Variants in INSR observed in about 807,000 individuals in gnomAD.
INSR encodes the protein IR.
Under a neutral mutation model 142.6 loss-of-function variants are expected in INSR, and 67 were observed. That is an observed-to-expected ratio of 0.47 (90% CI 0.39 to 0.58). INSR has a LOEUF of 0.58. Among genes scored for constraint, INSR ranks in the 20% least tolerant of loss-of-function variants. INSR has a pLI of 0.00. For synonymous variants in INSR, 756 were observed against 743.1 expected (o/e 1.02, Z -0.28); for missense variants, 1,248 against 1,833.2 (o/e 0.68, Z 5.83).
chr19:7,167,817 T>C (rs985516216), intron 7 of INSR, 151 bp downstream of exon 7: 2 of 924,740 alleles, frequency 2.2e-6, no homozygotes, highest in African/African-American at 3.3e-5. Flanking sequence ...CATCGACTGG[T>C]GAGATTGTAA....
chr19:7,266,681 G>A (rs999211257), intron 2 of INSR, among the ~76,000 whole-genome samples: 12 of 152,034 alleles, frequency 7.9e-5, no homozygotes, highest in Non-Finnish European at 7.4e-5. Context: ...CACCGTGCCC[G>A]GCCTGGAAAT....
rs1976839808 is a variant in INSR at position 7,254,848 on chromosome 19, G to A, written c.652+12497C>T. 3.3e-5 allele frequency among the ~76,000 whole-genome samples: 5 copies of A among 152,286 alleles called. No homozygotes were observed. The South Asian group carries it at 1.0e-3, about 32-fold the overall frequency. On this transcript the variant is annotated intron_variant, in intron 2 of 21. Coordinates refer to ENST00000302850, the MANE Select transcript of INSR (RefSeq NM_000208.4). ...GAAGTAACCGGTCAGTGAGTATCAG[G>A]TAGGAGGAAGGAAAAGAAAAACTTG... is the stretch of plus-strand genomic sequence containing the variant.
At position 7,132,210 on chromosome 19, in the gene INSR, A is replaced by C. The variant is rs747254466; in HGVS notation, c.2790T>G (p.Leu930=). ...NYSVRIRATS[L]AGNGSWTEPT... ...GTTCCGTCCAAGAGCCGTTGCCCGC[A>C]AGGGAGGTGGCCCGGATTCGCACGC... The change falls in exon 14 of 22, where the codon CTT becomes CTG. Residue 930 remains leucine, a synonymous_variant. Coordinates refer to ENST00000302850, the MANE Select transcript of INSR (RefSeq NM_000208.4). 6.2e-7 allele frequency: 1 copy of C among 1,614,220 alleles called. No individual in the cohort carries two copies. The highest frequency in any genetic ancestry group is 1.1e-5 in the South Asian group (1 of 91,082).
At chr19:7,162,097 C>G (rs1201616664) in intron 9 of INSR, among the ~76,000 whole-genome samples, 1 of 151,042 alleles carries the variant, frequency 6.6e-6, no homozygotes, top group African/African-American at 2.4e-5. Flanking sequence ...GAGGCCGAGG[C>G]GGGTGGATCA....
rs898787066 is a variant in INSR, at chr19:7,113,698, G to T, written c.*3358C>A. Reference sequence around the variant, plus strand: ...AACACTACAAACTCCCAGGACAACCGTGTCTTTCTAGGACCAAAGTTTTAT... The same window carrying T: ...AACACTACAAACTCCCAGGACAACCTTGTCTTTCTAGGACCAAAGTTTTAT... On this transcript the variant is annotated 3_prime_UTR_variant, in exon 22 of 22. Transcript: ENST00000302850. 1 of 152,128 alleles carries T rather than the reference G, an allele frequency of 6.6e-6. No individual in the cohort carries two copies. Among genetic ancestry groups the T allele is most frequent in the Non-Finnish European group, 1.5e-5 (1 of 68,018 alleles). The allele number at this position is 152,128 out of a possible 1,614,324, so 9.4% of individuals were successfully genotyped here.
intron 15 of INSR, among the ~76,000 whole-genome samples, chr19:7,126,889 GTTTTGTTTTTGT>G (rs958100516): frequency 6.7e-6 from 1 of 150,058 alleles, no homozygotes; most frequent in African/African-American, 2.5e-5. Flanking sequence ...TTTTTTTTTT[GTTTTGTTTTTGT>G]TTTTGTTTTT....
At chr19:7,153,076 CACACA>C in intron 9 of INSR, 149 bp from the exon 10 acceptor site, 1 of 453,458 alleles carries the variant, frequency 2.2e-6, no homozygotes, top group Non-Finnish European at 3.9e-6. Flanking sequence ...CCACACACAT[CACACA>C]ACACACCACA....
At chr19:7,120,520 G>A (rs1972464413) in intron 20 of INSR, 100 bp downstream of exon 20, 1 of 1,406,832 alleles carries the variant, frequency 7.1e-7, no homozygotes, top group Non-Finnish European at 1.0e-6. Context: ...CCTTGATGGG[G>A]CGTCCAGGAG....
At chr19:7,199,621 A>T (rs1974896723) in intron 2 of INSR, among the ~76,000 whole-genome samples, 1 of 130,188 alleles carries the variant, frequency 7.7e-6, no homozygotes, top group South Asian at 2.4e-4. Context: ...CTGGTCTCAA[A>T]CTCCTGGCTT....
At chr19:7,259,742 C>G (rs1387889854) in intron 2 of INSR, among the ~76,000 whole-genome samples, 1 of 151,808 alleles carries the variant, frequency 6.6e-6, no homozygotes, top group African/African-American at 2.4e-5. Flanking sequence ...TCGCTTGAAC[C>G]CAGGAGGCGG....
chr19:7,129,572 G>A (rs988450108), intron 14 of INSR, among the ~76,000 whole-genome samples: 2 of 152,084 alleles, frequency 1.3e-5, no homozygotes, highest in African/African-American at 2.4e-5. Flanking sequence ...TGATCCTCCC[G>A]CCTCAGCCTC....
chr19:7,212,812 C>G (rs1975315545), intron 2 of INSR, among the ~76,000 whole-genome samples: 1 of 151,934 alleles, frequency 6.6e-6, no homozygotes, highest in South Asian at 2.1e-4. Context: ...GTCTCGAACT[C>G]CTGACCTCAG....
intron 1 of INSR, among the ~76,000 whole-genome samples, chr19:7,270,354 C>CAA (rs59495844): frequency 0.13 from 19,510 of 148,568 alleles, 1,548 homozygotes; most frequent in East Asian, 0.39. Flanking sequence ...CACACACACA[C>CAA]ACACACACAC....
intron 2 of INSR, among the ~76,000 whole-genome samples, chr19:7,193,342 T>C (rs1974651592): frequency 6.6e-6 from 1 of 151,898 alleles, no homozygotes; most frequent in Admixed American, 6.6e-5. Context: ...TGAGACTCCG[T>C]CTCCACGAAA....
intron 2 of INSR, among the ~76,000 whole-genome samples, chr19:7,229,257 A>G (rs1975885618): frequency 7.4e-6 from 1 of 134,916 alleles, no homozygotes; most frequent in African/African-American, 2.9e-5. Flanking sequence ...ATGAATGGAT[A>G]GATGGATGGA....
chr19:7,269,243 C>T (rs1195481373), intron 1 of INSR, among the ~76,000 whole-genome samples: 2 of 150,184 alleles, frequency 1.3e-5, no homozygotes, highest in Non-Finnish European at 3.0e-5. Flanking sequence ...GAGAATTACC[C>T]ACAAAAGAAG....
intron 3 of INSR, among the ~76,000 whole-genome samples, chr19:7,176,730 G>A (rs1392046588): frequency 1.3e-5 from 2 of 152,192 alleles, no homozygotes; most frequent in Non-Finnish European, 1.5e-5. Flanking sequence ...AGAAGCAGAA[G>A]CTGCTATGCT....
At chr19:7,254,397 C>T (rs958864743) in intron 2 of INSR, among the ~76,000 whole-genome samples, 1 of 151,994 alleles carries the variant, frequency 6.6e-6, no homozygotes, top group Non-Finnish European at 1.5e-5. Context: ...GGCGTGGTGG[C>T]ATGCACCCAT....
Position 7,150,126 on chromosome 19 carries a change from C to T in INSR, c.2267+371G>A, listed in dbSNP as rs1276879024. Among the ~76,000 whole-genome samples the T allele has an allele frequency of 6.6e-6, 1 of 152,000 alleles. No homozygotes were observed. The highest frequency in any genetic ancestry group is 1.5e-5 in the Non-Finnish European group (1 of 67,998). ...TGTAGGAGCTGCTGGGTCGGGGCAC[C>T]CAGCCGCGGGGAGCTCAGACTCCGG... On this transcript the variant is annotated intron_variant, in intron 11 of 21. Transcript: ENST00000302850. The surrounding 1 kb of genome is among the most constrained non-coding windows in gnomAD (Gnocchi z 4.2).
Sources: gnomAD v4.1 joint callset for allele counts (sites outside exome capture counted in the v4.1 genomes callset) on GRCh38, gnomAD v4.1.1 for gene constraint, Gnocchi (gnomAD v3.1) non-coding constraint, MANE v1.5 for transcripts, NCBI Gene and HGNC (gene_info 2026-07-23, HGNC 2026-07-21) for gene names.